Variants in SIPA1L1 observed in about 807,000 individuals in gnomAD.
SIPA1L1 encodes the protein signal-induced proliferation-associated 1-like protein 1.
A neutral mutation model predicts 162.7 loss-of-function variants in SIPA1L1; 26 were observed. That is an observed-to-expected ratio of 0.16 (90% confidence interval 0.12 to 0.22). The LOEUF (loss-of-function observed/expected upper bound fraction) is 0.22, where lower values mean the gene tolerates loss of function less well. Among genes scored for constraint, SIPA1L1 ranks in the 10% least tolerant of loss-of-function variants. SIPA1L1 has a pLI of 1.00. For missense variants in SIPA1L1, 1,874 were observed against 2,241.0 expected (o/e 0.84, Z 3.31); for synonymous variants, 829 against 837.4 (o/e 0.99, Z 0.17).
At position 71,611,578 on chromosome 14, in the gene SIPA1L1, C is replaced by A. The variant is rs377265301; in HGVS notation, c.1499-7179C>A. ...CCTTGACCCCCACCCCCTGACAGGC[C>A]CCAGTGCGTGATATTCCCCTCCCTG... On this transcript the variant is annotated intron_variant, in intron 5 of 23. Coordinates refer to ENST00000381232, the MANE Select transcript of SIPA1L1 (RefSeq NM_001386936.1). Among the ~76,000 whole-genome samples the A allele has an allele frequency of 3.4e-5, 5 of 146,860 alleles. 1 individual carries two copies. The highest frequency in any genetic ancestry group is 1.4e-4 in the African/African-American group (5 of 36,520).
intron 2 of SIPA1L1, among the ~76,000 whole-genome samples, chr14:71,479,612 TG>T (rs1393366102): frequency 6.6e-6 from 1 of 152,108 alleles, no homozygotes; most frequent in Non-Finnish European, 1.5e-5. Flanking sequence ...CTCACTATAT[TG>T]CCCTGGCTGC....
chr14:71,344,750 C>T (rs926318773), intron 2 of SIPA1L1, among the ~76,000 whole-genome samples: 7 of 151,940 alleles, frequency 4.6e-5, no homozygotes, highest in Non-Finnish European at 8.8e-5. Flanking sequence ...TTGGTAGAGA[C>T]GGACGGGGTT....
At chr14:71,726,599 A>C (rs2084261850) in intron 19 of SIPA1L1, among the ~76,000 whole-genome samples, 1 of 152,224 alleles carries the variant, frequency 6.6e-6, no homozygotes, top group Admixed American at 6.5e-5. Flanking sequence ...TTACTTTAGC[A>C]TTCCTATTTG....
intron 2 of SIPA1L1, among the ~76,000 whole-genome samples, chr14:71,333,210 C>T (rs1239078240): frequency 6.6e-6 from 1 of 152,170 alleles, no homozygotes; most frequent in East Asian, 1.9e-4. Context: ...CTTGTTACCT[C>T]TTCTAGGTGC....
chr14:71,432,613 G>A (rs186617605), intron 2 of SIPA1L1, among the ~76,000 whole-genome samples: 16 of 152,254 alleles, frequency 1.1e-4, no homozygotes, highest in South Asian at 6.2e-4. Flanking sequence ...TGGGAAAGAG[G>A]GATTCCAGTT....
At chr14:71,400,478 A>G (rs141957870) in intron 2 of SIPA1L1, among the ~76,000 whole-genome samples, 31 of 152,120 alleles carry the variant, frequency 2.0e-4, no homozygotes, top group African/African-American at 7.2e-4. Flanking sequence ...ATTGAATCTT[A>G]GGGAATGTTT....
At chr14:71,586,542 T>C (rs1360873839) in intron 4 of SIPA1L1, 1 of 152,212 alleles carries the variant, frequency 6.6e-6, no homozygotes, top group Non-Finnish European at 1.5e-5. Flanking sequence ...TCTTGTGTAA[T>C]TTGTGGAGTC....
At chr14:71,676,634 C>T (rs2149441975) in intron 12 of SIPA1L1, among the ~76,000 whole-genome samples, 1 of 109,586 alleles carries the variant, frequency 9.1e-6, no homozygotes, top group Non-Finnish European at 1.7e-5. Context: ...CCTCCCCCCA[C>T]CCCATGACAG....
At chr14:71,606,395 G>A (rs2037504553) in intron 5 of SIPA1L1, among the ~76,000 whole-genome samples, 1 of 152,110 alleles carries the variant, frequency 6.6e-6, no homozygotes, top group African/African-American at 2.4e-5. Context: ...TGCATATAGG[G>A]GATGTTGGTG....
chr14:71,668,828 A>C (rs1446901600), intron 10 of SIPA1L1, among the ~76,000 whole-genome samples: 1 of 152,254 alleles, frequency 6.6e-6, no homozygotes, highest in Non-Finnish European at 1.5e-5. Flanking sequence ...AGGCTAATAT[A>C]CATACAGCCA....
intron 5 of SIPA1L1, among the ~76,000 whole-genome samples, chr14:71,606,800 T>C (rs1248814400): frequency 2.0e-5 from 3 of 152,144 alleles, no homozygotes; most frequent in Non-Finnish European, 4.4e-5. Flanking sequence ...TTATGTAAGA[T>C]GTTAGCACTG....
At chr14:71,727,646 A>T (rs769469136) in intron 19 of SIPA1L1, among the ~76,000 whole-genome samples, 8 of 152,180 alleles carry the variant, frequency 5.3e-5, no homozygotes, top group Non-Finnish European at 8.8e-5. Context: ...AATCCCTTCC[A>T]GGTGTGATCC....
At chr14:71,516,376 A>C (rs564312085) in intron 3 of SIPA1L1, among the ~76,000 whole-genome samples, 1 of 152,300 alleles carries the variant, frequency 6.6e-6, no homozygotes, top group African/African-American at 2.4e-5. Flanking sequence ...GTAATAAAAT[A>C]GCAGGATTTT....
At chr14:71,560,804 A>G (rs1178333064) in intron 4 of SIPA1L1, among the ~76,000 whole-genome samples, 1 of 152,216 alleles carries the variant, frequency 6.6e-6, no homozygotes, top group African/African-American at 2.4e-5. Context: ...AGATAAACTT[A>G]GAAGCCCTGT....
intron 20 of SIPA1L1, among the ~76,000 whole-genome samples, chr14:71,731,966 T>C (rs991591452): frequency 6.6e-6 from 1 of 152,202 alleles, no homozygotes; most frequent in African/African-American, 2.4e-5. Context: ...GTGACTTCTT[T>C]TATCCCCCAC....
rs2039445966 is a variant in SIPA1L1 at position 71,377,090 on chromosome 14, C to T, written c.-465+55909C>T. ...GTGGCAGCTGGGCAGAGGGGCTCCT[C>T]ACTTTCCAGATGTGGCGGCCGGGCA... On this transcript the variant is annotated intron_variant, in intron 2 of 23. Coordinates refer to ENST00000381232, the MANE Select transcript of SIPA1L1 (RefSeq NM_001386936.1). The surrounding 1 kb of genome is among the most constrained non-coding windows in gnomAD (Gnocchi z 4.8). Among the ~76,000 whole-genome samples, 1 of 151,830 alleles carries T rather than the reference C, an allele frequency of 6.6e-6. No homozygotes were observed. The highest frequency in any genetic ancestry group is 2.4e-5 in the African/African-American group (1 of 41,124).
intron 2 of SIPA1L1, among the ~76,000 whole-genome samples, chr14:71,488,416 A>G (rs187846230): frequency 1.2e-4 from 19 of 152,338 alleles, no homozygotes; most frequent in African/African-American, 4.6e-4. Context: ...TGTGGATATT[A>G]AAATGGATAG....
At chr14:71,398,758 T>C (rs2041426819) in intron 2 of SIPA1L1, among the ~76,000 whole-genome samples, 2 of 152,310 alleles carry the variant, frequency 1.3e-5, no homozygotes, top group South Asian at 4.1e-4. Flanking sequence ...AGTAGAACTT[T>C]GTGGTCTTTT....
At chr14:71,688,968 C>T (rs2081066558) in intron 13 of SIPA1L1, among the ~76,000 whole-genome samples, 1 of 152,152 alleles carries the variant, frequency 6.6e-6, no homozygotes. Context: ...TCCAGTGCTC[C>T]CCAAATCTGC....
Sources: gnomAD v4.1 joint callset for allele counts (sites outside exome capture counted in the v4.1 genomes callset) on GRCh38, gnomAD v4.1.1 for gene constraint, Gnocchi (gnomAD v3.1) non-coding constraint, MANE v1.5 for transcripts, NCBI Gene and HGNC (gene_info 2026-07-23, HGNC 2026-07-21) for gene names.